ERCC6L2: variants seen among roughly 807,000 people sequenced by gnomAD.
ERCC6L2 encodes DNA excision repair protein ERCC-6-like 2.
A neutral mutation model predicts 132.0 loss-of-function variants in ERCC6L2; 77 were observed. The observed-to-expected ratio is 0.58, with a 90% CI of 0.49 to 0.71. The LOEUF is 0.71. Ranked by LOEUF, ERCC6L2 falls within the 30% of genes least tolerant of loss-of-function variation. The pLI is 0.00. For synonymous variants in ERCC6L2, 583 were observed against 632.4 expected (o/e 0.92, Z 1.17); for missense variants, 1,542 against 1,837.6 (o/e 0.84, Z 2.94).
At chr9:95,921,549 A>G (rs1430437077) in intron 7 of ERCC6L2, among the ~76,000 whole-genome samples, 2 of 152,194 alleles carry the variant, frequency 1.3e-5, no homozygotes, top group Admixed American at 6.5e-5. Context: ...CTTAATTTTG[A>G]TATCCTCCAT....
chr9:95,884,418 T>A (rs1397287402), intron 2 of ERCC6L2, among the ~76,000 whole-genome samples: 1 of 152,156 alleles, frequency 6.6e-6, no homozygotes, highest in Non-Finnish European at 1.5e-5. Context: ...CAGAATGTAG[T>A]AAAATTAATT....
In ERCC6L2 at chr9:95,970,591, G is replaced by A; in HGVS notation, c.2116G>A (p.Glu706Lys). 1 of 1,303,626 alleles carries A rather than the reference G, an allele frequency of 7.7e-7. No homozygotes were observed. Among genetic ancestry groups the A allele is most frequent in the Non-Finnish European group, 1.0e-6 (1 of 988,580 alleles). The allele number at this position is 1,303,626 out of a possible 1,614,324, so 80.8% of individuals were successfully genotyped here. Residue 706 changes from glutamate (E) to lysine (K), a missense_variant, in exon 15 of 19, where the codon GAA (glutamate) becomes AAA (lysine). This residue lies in a region of ERCC6L2 where 945 missense variants were observed against 1,105.2 expected (regional missense o/e 0.86). Transcript: ENST00000653738. Reference protein sequence around the residue: ...KDILEREGQVEAGIMTATTWL... With the variant: ...KDILEREGQVKAGIMTATTWL... ...GACATTATAGAGAGAAGGCCAAGTA[G>A]AAGCAGGGATCATGACAGCCACAAC...
chr9:95,979,835 G>A (rs757458005), intron 17 of ERCC6L2, among the ~76,000 whole-genome samples: 2 of 152,226 alleles, frequency 1.3e-5, no homozygotes, highest in African/African-American at 4.8e-5. Context: ...TGCTTTGTTA[G>A]GATAAAGAGT....
At chr9:96,031,556 A>C (rs1480627232) in intron 19 of ERCC6L2, among the ~76,000 whole-genome samples, 1 of 152,266 alleles carries the variant, frequency 6.6e-6, no homozygotes, top group Non-Finnish European at 1.5e-5. Flanking sequence ...AGCAAAGTCC[A>C]CAGCCTGCTC....
chr9:96,003,952 A>G (rs942299701), intron 17 of ERCC6L2, among the ~76,000 whole-genome samples: 1 of 152,234 alleles, frequency 6.6e-6, no homozygotes, highest in Non-Finnish European at 1.5e-5. Flanking sequence ...CAGGCAATTC[A>G]TGGTCTCTGT....
chr9:95,987,764 CTG>C (rs572218679), intron 17 of ERCC6L2, among the ~76,000 whole-genome samples: 77 of 152,350 alleles, frequency 5.1e-4, no homozygotes, highest in African/African-American at 1.7e-3. Context: ...ATTGGGAACT[CTG>C]TGTGGGGACT....
Position 95,876,030 on chromosome 9 carries a change from C to T in ERCC6L2, c.-9C>T, listed in dbSNP as rs371970239. Reference sequence around the variant, plus strand: ...CATGCAGCCGGGCTCGGCCCCTCCCCCTGGCCGGATGGATCCGTCGGCGCC... The same window carrying T: ...CATGCAGCCGGGCTCGGCCCCTCCCTCTGGCCGGATGGATCCGTCGGCGCC... On this transcript the variant is annotated 5_prime_UTR_variant, in exon 1 of 19. Coordinates refer to ENST00000653738, the MANE Select transcript of ERCC6L2 (RefSeq NM_020207.7). The T allele has an allele frequency of 1.4e-5, 23 of 1,588,228 alleles. No homozygotes were observed. Among genetic ancestry groups the T allele is most frequent in the Middle Eastern group, 1.7e-4 (1 of 6,040 alleles).
chr9:95,964,475 T>G (rs1322304564), intron 13 of ERCC6L2, among the ~76,000 whole-genome samples: 1 of 152,150 alleles, frequency 6.6e-6, no homozygotes, highest in Non-Finnish European at 1.5e-5. Context: ...AAGGGATTTT[T>G]TATAAGGGTC....
intron 12 of ERCC6L2, among the ~76,000 whole-genome samples, chr9:95,952,319 A>G (rs182069294): frequency 6.6e-5 from 10 of 152,192 alleles, no homozygotes; most frequent in Non-Finnish European, 1.2e-4. Context: ...CTACAGACCA[A>G]TAATCTTTAT....
intron 9 of ERCC6L2, 87 bp downstream of exon 9, chr9:95,923,466 C>G: frequency 6.9e-7 from 1 of 1,449,776 alleles, no homozygotes; most frequent in Non-Finnish European, 9.5e-7. Context: ...CTAATCAGAA[C>G]AGGTGCTCAG....
At chr9:95,877,236 T>TACTGAGAGATTCCAAA (rs1375709033) in intron 1 of ERCC6L2, 7 of 152,190 alleles carry the variant, frequency 4.6e-5, no homozygotes, top group African/African-American at 1.7e-4. Flanking sequence ...GTAGTTTGGA[T>TACTGAGAGATTCCAAA]ACTGAGAGAT....
At chr9:95,980,807 A>G (rs1472752592) in intron 17 of ERCC6L2, among the ~76,000 whole-genome samples, 3 of 152,162 alleles carry the variant, frequency 2.0e-5, no homozygotes, top group Non-Finnish European at 2.9e-5. Context: ...AAGAGACTCA[A>G]TCATAGTGTT....
At chr9:95,901,771 C>T (rs1001319572) in intron 3 of ERCC6L2, among the ~76,000 whole-genome samples, 29 of 152,268 alleles carry the variant, frequency 1.9e-4, no homozygotes, top group Middle Eastern at 3.4e-3. Flanking sequence ...TCAATACAAA[C>T]GTGTTGAGTT....
intron 3 of ERCC6L2, 51 bp downstream of exon 3, chr9:95,898,022 A>G (rs748622035): frequency 6.8e-7 from 1 of 1,477,944 alleles, no homozygotes; most frequent in South Asian, 1.3e-5. Context: ...GTATTACAAA[A>G]GCATATAGAA....
intron 2 of ERCC6L2, among the ~76,000 whole-genome samples, chr9:95,886,216 C>T (rs1452878029): frequency 6.6e-6 from 1 of 151,998 alleles, no homozygotes; most frequent in African/African-American, 2.4e-5. Flanking sequence ...GGGGTTTTCC[C>T]GAGTTGCCCA....
chr9:95,984,549 T>C (rs1314776760), intron 17 of ERCC6L2, among the ~76,000 whole-genome samples: 3 of 152,074 alleles, frequency 2.0e-5, no homozygotes, highest in African/African-American at 7.2e-5. Context: ...GCCTTCCTCT[T>C]ACACTCTTTC....
intron 17 of ERCC6L2, among the ~76,000 whole-genome samples, chr9:95,988,741 C>A (rs1419664824): frequency 6.6e-6 from 1 of 152,184 alleles, no homozygotes; most frequent in Admixed American, 6.5e-5. Context: ...TTCCCTTACA[C>A]CAGCAAGCAG....
intron 18 of ERCC6L2, 141 bp downstream of exon 18, chr9:96,004,842 CT>C (rs1833812754): frequency 4.0e-6 from 2 of 496,842 alleles, no homozygotes; most frequent in Non-Finnish European, 6.6e-6. Flanking sequence ...CAAAAATAAA[CT>C]GCAAATGTTT....
At chr9:95,887,764 A>T (rs591486) in intron 2 of ERCC6L2, among the ~76,000 whole-genome samples, 1 of 151,916 alleles carries the variant, frequency 6.6e-6, no homozygotes, top group Non-Finnish European at 1.5e-5. Flanking sequence ...GATCTTCAGT[A>T]GATTCAAAAC....
Sources: gnomAD v4.1 joint callset for allele counts (sites outside exome capture counted in the v4.1 genomes callset) on GRCh38, gnomAD v4.1.1 for gene constraint, gnomAD v4.1.1 regional missense constraint, MANE v1.5 for transcripts, NCBI Gene and HGNC (gene_info 2026-07-23, HGNC 2026-07-21) for gene names.